Variants in PCDHGA2 observed in about 807,000 individuals in gnomAD.
PCDHGA2 encodes protocadherin gamma subfamily A, 2.
A neutral mutation model predicts 59.2 loss-of-function variants in PCDHGA2; 40 were observed. That is an observed-to-expected ratio of 0.68 (90% CI 0.52 to 0.88). The LOEUF is 0.88. Ranked by LOEUF, PCDHGA2 falls within the 40% of genes least tolerant of loss-of-function variation. The probability of loss-of-function intolerance (pLI) is 0.00; values close to 1 mark genes in which losing one functional copy is unlikely to be tolerated. For synonymous variants in PCDHGA2, 560 were observed against 526.0 expected (o/e 1.06, Z -0.89); for missense variants, 1,226 against 1,204.0 (o/e 1.02, Z -0.27).
rs2099883798 is a variant in PCDHGA2, at chr5:141,511,451, AT to A, written c.*281del. On this transcript the variant is annotated 3_prime_UTR_variant, in exon 4 of 4. Transcript: ENST00000394576. ...GGGGTTACTGTAGACACCAAGAACC[AT>A]TTGCCACACCCCGTTTAGTTACAGC... The A allele has an allele frequency of 3.3e-6, 2 of 606,372 alleles. No individual in the cohort carries two copies. Among genetic ancestry groups the A allele is most frequent in the African/African-American group, 1.9e-5 (1 of 53,734 alleles). 37.6% of individuals were successfully genotyped at this position (606,372 alleles called of 1,614,324 possible).
chr5:141,453,997 A>C (rs1332821058), intron 1 of PCDHGA2, among the ~76,000 whole-genome samples: 2 of 152,242 alleles, frequency 1.3e-5, no homozygotes, highest in Non-Finnish European at 2.9e-5. Context: ...TGATAAACCC[A>C]CATAACATTT....
chr5:141,366,249 A>G (rs1307246069), intron 1 of PCDHGA2: 1 of 1,613,634 alleles, frequency 6.2e-7, no homozygotes, highest in Non-Finnish European at 8.5e-7. Context: ...GCGCTCAAGC[A>G]GAGCCTCGTG....
chr5:141,409,345 A>T lies in PCDHGA2; in HGVS notation c.2424+67950A>T, dbSNP rs1012428329. 4 of 1,613,902 alleles carry T rather than the reference A, an allele frequency of 2.5e-6. No individual in the cohort carries two copies. In the African/African-American group the frequency reaches 5.3e-5, roughly 22 times the overall value. ...ATCTGGATTTCGGAGGAAATGGAGAAGTCAGGTGTAATATAGAAACAGACA... is the reference window on the plus strand; with the variant it reads ...ATCTGGATTTCGGAGGAAATGGAGATGTCAGGTGTAATATAGAAACAGACA... On this transcript the variant is annotated intron_variant, in intron 1 of 3. Transcript: ENST00000394576.
chr5:141,352,284 C>G lies in PCDHGA2; in HGVS notation c.2424+10889C>G, dbSNP rs373524011. ...GTATTGCCAGACCTCAGCGACCGCC[C>G]TGAGCCCTCTGACCCCCAGACGGAA... On this transcript the variant is annotated intron_variant, in intron 1 of 3. Coordinates refer to ENST00000394576, the MANE Select transcript of PCDHGA2 (RefSeq NM_018915.4). 4.2e-5 allele frequency: 67 copies of G among 1,613,932 alleles called. No individual in the cohort carries two copies. The East Asian group carries it at 6.9e-4, about 17-fold the overall frequency.
At chr5:141,398,727 A>G in intron 1 of PCDHGA2, 1 of 1,613,894 alleles carries the variant, frequency 6.2e-7, no homozygotes, top group Middle Eastern at 1.6e-4. Flanking sequence ...AGAAAACCTT[A>G]GACCGGGAAC....
chr5:141,395,273 A>G, intron 1 of PCDHGA2: 1 of 1,543,700 alleles, frequency 6.5e-7, no homozygotes, highest in Non-Finnish European at 8.7e-7. Context: ...TAATTTCCAG[A>G]TGAATTTTAT....
At chr5:141,371,490 G>A in intron 1 of PCDHGA2, 1 of 1,613,890 alleles carries the variant, frequency 6.2e-7, no homozygotes, top group African/African-American at 1.3e-5. Context: ...GGGGACTGCC[G>A]TTGCCCTGAT....
chr5:141,460,270 C>G (rs1223096441), intron 1 of PCDHGA2, among the ~76,000 whole-genome samples: 1 of 151,828 alleles, frequency 6.6e-6, no homozygotes, highest in Non-Finnish European at 1.5e-5. Context: ...TTTATTTTTT[C>G]TTTTATAGTT....
intron 1 of PCDHGA2, chr5:141,478,018 C>G: frequency 6.2e-7 from 1 of 1,614,124 alleles, no homozygotes; most frequent in Non-Finnish European, 8.5e-7. Flanking sequence ...CCCGTCCAGT[C>G]CAAGACACAG....
intron 1 of PCDHGA2, chr5:141,415,215 C>A: frequency 6.2e-7 from 1 of 1,614,106 alleles, no homozygotes; most frequent in South Asian, 1.1e-5. Flanking sequence ...CGGACCTCGG[C>A]AGCTTCGAGT....
At chr5:141,452,084 C>CGG (rs1561946918) in intron 1 of PCDHGA2, among the ~76,000 whole-genome samples, 1 of 152,170 alleles carries the variant, frequency 6.6e-6, no homozygotes, top group Non-Finnish European at 1.5e-5. Context: ...TGGCATTATA[C>CGG]AGTAAGAAAG....
intron 1 of PCDHGA2, chr5:141,388,676 G>T: frequency 7.4e-6 from 12 of 1,613,944 alleles, no homozygotes; most frequent in Non-Finnish European, 1.0e-5. Context: ...TGCTACAGGT[G>T]ACTGCCACGG....
Position 141,490,685 on chromosome 5 carries a change from A to G in PCDHGA2, c.2425-4122A>G, listed in dbSNP as rs2099703028. On this transcript the variant is annotated intron_variant, in intron 1 of 3. Coordinates refer to ENST00000394576, the MANE Select transcript of PCDHGA2 (RefSeq NM_018915.4). The surrounding 1 kb of genome is among the most constrained non-coding windows in gnomAD (Gnocchi z 5.4). ...TGCACTGTGGCTGCCTCAGATCCAGACACTGGGGATAATGCCCGCCTCACC... is the reference window on the plus strand; with the variant it reads ...TGCACTGTGGCTGCCTCAGATCCAGGCACTGGGGATAATGCCCGCCTCACC... The G allele has an allele frequency of 1.9e-6, 3 of 1,614,030 alleles. No individual in the cohort carries two copies. Among genetic ancestry groups the G allele is most frequent in the South Asian group, 2.2e-5 (2 of 91,082 alleles).
At chr5:141,399,837 C>T in intron 1 of PCDHGA2, 4 of 1,613,130 alleles carry the variant, frequency 2.5e-6, no homozygotes, top group Non-Finnish European at 3.4e-6. Context: ...GCTCTGCGCT[C>T]TTCGATATGG....
chr5:141,400,483 C>T (rs748464990), intron 1 of PCDHGA2: 1 of 1,614,020 alleles, frequency 6.2e-7, no homozygotes, highest in South Asian at 1.1e-5. Flanking sequence ...GGCCTTATTT[C>T]CACTTTGTAA....
chr5:141,404,517 A>C (rs1268035794), intron 1 of PCDHGA2: 1 of 1,613,938 alleles, frequency 6.2e-7, no homozygotes, highest in South Asian at 1.1e-5. Flanking sequence ...TCCTTTGACT[A>C]TGAGCAGTTT....
At chr5:141,426,514 G>A (rs867794856) in intron 1 of PCDHGA2, 22 of 340,738 alleles carry the variant, frequency 6.5e-5, no homozygotes, top group Non-Finnish European at 8.2e-5. Context: ...ATACTTTACC[G>A]TGAACACGGA....
chr5:141,339,577 C>T lies in PCDHGA2; in HGVS notation c.606C>T (p.Arg202=), dbSNP rs1173613101. The change falls in exon 1 of 4, where the codon CGC becomes CGT. Residue 202 remains arginine, a synonymous_variant. Transcript: ENST00000394576. ...TGGTGCTGGAGCGCTCTCTGGACCG[C>T]GAGGAAGAGGCTGTTCACCACCTCG... is the stretch of plus-strand genomic sequence containing the variant. ...PELVLERSLD[R]EEEAVHHLVL... The T allele has an allele frequency of 6.2e-7, 1 of 1,614,140 alleles. No homozygotes were observed.
intron 1 of PCDHGA2, among the ~76,000 whole-genome samples, chr5:141,451,106 G>A (rs1204327490): frequency 1.3e-5 from 2 of 152,164 alleles, no homozygotes; most frequent in African/African-American, 4.8e-5. Context: ...GGGATTACAG[G>A]CGTGAGCCAC....
Sources: gnomAD v4.1 joint callset for allele counts (sites outside exome capture counted in the v4.1 genomes callset) on GRCh38, gnomAD v4.1.1 for gene constraint, Gnocchi (gnomAD v3.1) non-coding constraint, MANE v1.5 for transcripts, NCBI Gene and HGNC (gene_info 2026-07-23, HGNC 2026-07-21) for gene names.